THSD7A: variants seen among roughly 807,000 people sequenced by gnomAD.
THSD7A encodes the protein thrombospondin type 1 domain containing 7A, also known as thrombospondin type-1 domain-containing protein 7A.
In THSD7A, 96 loss-of-function variants were observed where a neutral mutation model predicts 231.3. The ratio of observed to expected loss-of-function variants is 0.41; its 90% CI spans 0.35 to 0.49. THSD7A has a LOEUF of 0.49. Ranked by LOEUF, THSD7A falls within the 20% of genes least tolerant of loss-of-function variation. The probability of loss-of-function intolerance (pLI) is 0.05; values close to 1 mark genes in which losing one functional copy is unlikely to be tolerated. For synonymous variants in THSD7A, 940 were observed against 743.3 expected (o/e 1.26, Z -4.30); for missense variants, 2,290 against 2,070.2 (o/e 1.11, Z -2.06).
chr7:11,449,038 T>C (rs890947214), intron 11 of THSD7A, among the ~76,000 whole-genome samples: 2 of 152,116 alleles, frequency 1.3e-5, no homozygotes, highest in Non-Finnish European at 2.9e-5. Flanking sequence ...GTACTCTGTT[T>C]AATCATAGCA....
Position 11,753,544 on chromosome 7 carries a change from TTCTCTC to T in THSD7A, c.190+78207_190+78212del, listed in dbSNP as rs35547018. Among the ~76,000 whole-genome samples the T allele has an allele frequency of 3.8e-3, 534 of 141,794 alleles. 2 individuals are homozygous for T. Among genetic ancestry groups the T allele is most frequent in the African/African-American group, 0.011 (436 of 38,258 alleles). The allele number at this position is 141,794 out of a possible 152,430, so 93.0% of individuals were successfully genotyped here. On this transcript the variant is annotated intron_variant, in intron 1 of 27. Transcript: ENST00000423059. ...CAACACTGCTTATATATGCAGCCCT[TTCTCTC>T]TCTCTCTCTCTCTCTCTCTCTCTCT...
At chr7:11,508,748 T>C (rs1253167258) in intron 6 of THSD7A, among the ~76,000 whole-genome samples, 1 of 152,228 alleles carries the variant, frequency 6.6e-6, no homozygotes, top group African/African-American at 2.4e-5. Context: ...CATAGTGGAA[T>C]AACATTCAGC....
At chr7:11,471,704 A>C (rs978743849) in intron 8 of THSD7A, among the ~76,000 whole-genome samples, 1 of 152,088 alleles carries the variant, frequency 6.6e-6, no homozygotes, top group Non-Finnish European at 1.5e-5. Context: ...CACGGACAAC[A>C]AATAAATTTA....
chr7:11,703,986 G>A (rs1333197201), intron 1 of THSD7A, among the ~76,000 whole-genome samples: 2 of 151,076 alleles, frequency 1.3e-5, no homozygotes, highest in Non-Finnish European at 3.0e-5. Context: ...AAACAAAATA[G>A]GTTTCAGAAT....
chr7:11,713,383 G>A (rs1781028020), intron 1 of THSD7A, among the ~76,000 whole-genome samples: 1 of 151,150 alleles, frequency 6.6e-6, no homozygotes, highest in African/African-American at 2.4e-5. Flanking sequence ...TGTTACATTA[G>A]TAACTATCAG....
chr7:11,390,942 A>G (rs1782956351), intron 23 of THSD7A, among the ~76,000 whole-genome samples: 1 of 152,196 alleles, frequency 6.6e-6, no homozygotes, highest in South Asian at 2.1e-4. Flanking sequence ...AACAGCAAAG[A>G]TTGCTGCCTG....
At chr7:11,661,132 A>C (rs1011679268) in intron 1 of THSD7A, among the ~76,000 whole-genome samples, 3 of 151,424 alleles carry the variant, frequency 2.0e-5, no homozygotes, top group African/African-American at 7.2e-5. Flanking sequence ...CCAGGCTATC[A>C]GTTATAGGTT....
chr7:11,484,306 T>C (rs935742413), intron 6 of THSD7A, among the ~76,000 whole-genome samples: 16 of 152,116 alleles, frequency 1.1e-4, no homozygotes, highest in Non-Finnish European at 2.4e-4. Context: ...TAATGACTTT[T>C]TTCCCTTTCC....
At chr7:11,564,142 G>A (rs1790198801) in intron 4 of THSD7A, among the ~76,000 whole-genome samples, 1 of 152,132 alleles carries the variant, frequency 6.6e-6, no homozygotes, top group Non-Finnish European at 1.5e-5. Flanking sequence ...TTTAGATAAG[G>A]TTCTTTCCAA....
At chr7:11,774,042 A>C (rs1047030949) in intron 1 of THSD7A, among the ~76,000 whole-genome samples, 2 of 152,208 alleles carry the variant, frequency 1.3e-5, no homozygotes, top group African/African-American at 4.8e-5. Context: ...CCCAAACAGT[A>C]ATAATCAATA....
At chr7:11,748,394 C>T (rs1022188661) in intron 1 of THSD7A, among the ~76,000 whole-genome samples, 4 of 151,816 alleles carry the variant, frequency 2.6e-5, no homozygotes, top group Non-Finnish European at 5.9e-5. Context: ...AAAACCATTC[C>T]CCGATTATCA....
At chr7:11,641,280 T>C (rs747170798) in intron 1 of THSD7A, among the ~76,000 whole-genome samples, 2 of 152,130 alleles carry the variant, frequency 1.3e-5, no homozygotes, top group Non-Finnish European at 2.9e-5. Flanking sequence ...GGTTTGAACA[T>C]GCCTTTTAAT....
At position 11,636,303 on chromosome 7, in the gene THSD7A, C is replaced by T. The variant is rs924958930; in HGVS notation, c.849G>A (p.Arg283=). The change falls in exon 2 of 28, where the codon CGG becomes CGA. Residue 283 remains arginine, a synonymous_variant. Coordinates refer to ENST00000423059, the MANE Select transcript of THSD7A (RefSeq NM_015204.3). The surrounding 1 kb of genome is among the most constrained non-coding windows in gnomAD (Gnocchi z 10.0). The part of the protein sequence containing the change: ...QARRRGKNKE[R]EKDRSKGVKD... Reference sequence around the variant, plus strand: ...TTACTCCTTTGCTGCGGTCCTTTTCCCGTTCTTTATTCTTCCCGCGTCTCC... The same window carrying T: ...TTACTCCTTTGCTGCGGTCCTTTTCTCGTTCTTTATTCTTCCCGCGTCTCC... The T allele has an allele frequency of 1.9e-6, 3 of 1,613,774 alleles. No homozygotes were observed. The highest frequency in any genetic ancestry group is 2.2e-5 in the East Asian group (1 of 44,878).
intron 2 of THSD7A, among the ~76,000 whole-genome samples, chr7:11,599,176 G>A (rs188341204): frequency 3.3e-5 from 5 of 152,284 alleles, no homozygotes; most frequent in Admixed American, 6.5e-5. Context: ...CAATTAGGGC[G>A]TCTCTTAGTA....
At chr7:11,507,599 GT>G (rs904163416) in intron 6 of THSD7A, among the ~76,000 whole-genome samples, 97 of 121,534 alleles carry the variant, frequency 8.0e-4, no homozygotes, top group African/African-American at 3.1e-3. Context: ...GAAATAATGT[GT>G]GTTTTTTTTT....
chr7:11,563,515 A>G (rs371147254), intron 4 of THSD7A, among the ~76,000 whole-genome samples: 13 of 152,068 alleles, frequency 8.5e-5, no homozygotes, highest in African/African-American at 3.1e-4. Flanking sequence ...ACACACCACC[A>G]TGTCTGGCTG....
intron 6 of THSD7A, among the ~76,000 whole-genome samples, chr7:11,523,811 G>A (rs1051036807): frequency 1.3e-4 from 20 of 151,774 alleles, no homozygotes; most frequent in African/African-American, 4.1e-4. Context: ...ATTGTTCTCC[G>A]CTTGTCATTC....
rs372193367 is a variant in THSD7A at position 11,481,927 on chromosome 7, G to A, written c.1878C>T (p.Ala626=). ...AGTCTTTCGGGCATGGGGCATCACA[G>A]GCCACAGGGATGGGGAAGATGGCAT... ...CRDAIFPIPV[A]CDAPCPKDCV... The change falls in exon 7 of 28, where the codon GCC becomes GCT. Residue 626 remains alanine (A), a synonymous_variant. Transcript: ENST00000423059. 61 of 1,613,566 alleles carry A rather than the reference G, an allele frequency of 3.8e-5. No individual in the cohort carries two copies. The Middle Eastern group carries it at 4.9e-4, about 13-fold the overall frequency.
intron 1 of THSD7A, among the ~76,000 whole-genome samples, chr7:11,740,171 G>A (rs1003392642): frequency 6.6e-6 from 1 of 151,864 alleles, no homozygotes; most frequent in Admixed American, 6.6e-5. Context: ...TGGCTTCAAG[G>A]TAGTCCTAGG....
Sources: gnomAD v4.1 joint callset for allele counts (sites outside exome capture counted in the v4.1 genomes callset) on GRCh38, gnomAD v4.1.1 for gene constraint, Gnocchi (gnomAD v3.1) non-coding constraint, MANE v1.5 for transcripts, NCBI Gene and HGNC (gene_info 2026-07-23, HGNC 2026-07-21) for gene names.